Variants in WDR59 observed in about 807,000 individuals in gnomAD.
WDR59 encodes the protein GATOR2 complex protein WDR59.
In WDR59, 100 loss-of-function variants were observed where a neutral mutation model predicts 131.2. That is an observed-to-expected ratio of 0.76 (90% confidence interval 0.65 to 0.90). The LOEUF (loss-of-function observed/expected upper bound fraction) is 0.90, where lower values mean the gene tolerates loss of function less well. WDR59 is among the 40% of genes least tolerant of loss of function. The pLI is 0.00. For synonymous variants in WDR59, 601 were observed against 466.2 expected (o/e 1.29, Z -3.72); for missense variants, 1,203 against 1,262.2 (o/e 0.95, Z 0.71).
rs369840173 is a variant in WDR59, at chr16:74,910,113, G to A, written c.1390-196C>T. On this transcript the variant is annotated intron_variant, in intron 14 of 25. Transcript: ENST00000262144. Reference sequence around the variant, plus strand: ...CTCCCGAGTAGCTGGGACTACAGGCGCCCACCCCCATGCCTGGCTAATTTT... The same window carrying A: ...CTCCCGAGTAGCTGGGACTACAGGCACCCACCCCCATGCCTGGCTAATTTT... Among the ~76,000 whole-genome samples the A allele has an allele frequency of 1.7e-4, 26 of 151,892 alleles. 2 individuals carry two copies. Among genetic ancestry groups the A allele is most frequent in the South Asian group, 1.0e-3 (5 of 4,774 alleles).
chr16:74,919,114 C>G (rs1362577070), intron 10 of WDR59, among the ~76,000 whole-genome samples: 1 of 152,110 alleles, frequency 6.6e-6, no homozygotes, highest in Non-Finnish European at 1.5e-5. Context: ...ACCTGTGCCT[C>G]CCCCGCTGGT....
intron 8 of WDR59, among the ~76,000 whole-genome samples, chr16:74,937,795 C>G (rs933355761): frequency 6.6e-6 from 1 of 152,298 alleles, no homozygotes; most frequent in East Asian, 1.9e-4. Flanking sequence ...AGCCACCATG[C>G]CCGGCCAACT....
At chr16:74,928,099 G>T (rs2031027312) in intron 8 of WDR59, among the ~76,000 whole-genome samples, 1 of 151,206 alleles carries the variant, frequency 6.6e-6, no homozygotes, top group Non-Finnish European at 1.5e-5. Context: ...GTAGAGACAG[G>T]GTTTCACCAT....
chr16:74,951,034 C>T (rs1308657723), intron 4 of WDR59, among the ~76,000 whole-genome samples: 1 of 151,536 alleles, frequency 6.6e-6, no homozygotes, highest in African/African-American at 2.4e-5. Context: ...GTGGTGCACA[C>T]CTATAATCCC....
At chr16:74,980,529 T>C (rs1168021495) in intron 1 of WDR59, among the ~76,000 whole-genome samples, 1 of 151,804 alleles carries the variant, frequency 6.6e-6, no homozygotes, top group Non-Finnish European at 1.5e-5. Context: ...AATTTTTGTA[T>C]TTTTAGTAGA....
intron 25 of WDR59, among the ~76,000 whole-genome samples, chr16:74,878,897 C>T (rs992947496): frequency 1.3e-5 from 2 of 152,212 alleles, no homozygotes; most frequent in African/African-American, 2.4e-5. Flanking sequence ...TTGCCGGTTT[C>T]GGCTTTTGCC....
chr16:74,889,156 A>G (rs1034497718), intron 21 of WDR59, among the ~76,000 whole-genome samples: 4 of 152,354 alleles, frequency 2.6e-5, no homozygotes, highest in African/African-American at 9.6e-5. Context: ...TTCTCTCCCC[A>G]GGCCCTGGGC....
intron 6 of WDR59, among the ~76,000 whole-genome samples, chr16:74,943,831 A>C (rs2032410213): frequency 6.6e-6 from 1 of 152,190 alleles, no homozygotes; most frequent in African/African-American, 2.4e-5. Context: ...ATACAGCATT[A>C]AGCCCAGAAC....
Position 74,874,051 on chromosome 16 carries a change from A to G in WDR59, c.*158T>C. 1.6e-6 allele frequency: 1 copy of G among 630,186 alleles called. No individual in the cohort carries two copies. The highest frequency in any genetic ancestry group is 2.9e-5 in the Admixed American group (1 of 33,974). 39.0% of individuals were successfully genotyped at this position (630,186 alleles called of 1,614,324 possible). On this transcript the variant is annotated 3_prime_UTR_variant, in exon 26 of 26. Transcript: ENST00000262144. Reference sequence around the variant, plus strand: ...GGTGGCCAAACAGAAGAGAAGGCAGAGGCCCACCAAGAGCTGATGCTGCGC... The same window carrying G: ...GGTGGCCAAACAGAAGAGAAGGCAGGGGCCCACCAAGAGCTGATGCTGCGC...
intron 15 of WDR59, 57 bp from the exon 16 acceptor site, chr16:74,909,714 A>G: frequency 1.3e-6 from 2 of 1,553,026 alleles, no homozygotes; most frequent in Non-Finnish European, 1.7e-6. Context: ...GCTGAACTAC[A>G]AAATAAAGAC....
rs1964033383 is a variant in WDR59, at chr16:74,872,732, G to A, written c.*1477C>T. On this transcript the variant is annotated 3_prime_UTR_variant, in exon 26 of 26. Coordinates refer to ENST00000262144, the MANE Select transcript of WDR59 (RefSeq NM_030581.4). Reference sequence around the variant, plus strand: ...TGGAACCCAGCCCATCTGAACAGAGGCAAGGAAGACTTTGGTTTATTGACA... The same window carrying A: ...TGGAACCCAGCCCATCTGAACAGAGACAAGGAAGACTTTGGTTTATTGACA... The A allele has an allele frequency of 2.6e-5, 4 of 152,162 alleles. No individual in the cohort carries two copies. The highest frequency in any genetic ancestry group is 6.6e-5 in the Admixed American group (1 of 15,250). The allele number at this position is 152,162 out of a possible 1,614,324, so 9.4% of individuals were successfully genotyped here.
chr16:74,935,710 T>C (rs948902011), intron 8 of WDR59, among the ~76,000 whole-genome samples: 2 of 152,188 alleles, frequency 1.3e-5, no homozygotes, highest in Non-Finnish European at 2.9e-5. Flanking sequence ...CTTTTTATGA[T>C]CATGCTATTT....
chr16:74,884,171 C>G (rs1014603347), intron 25 of WDR59, among the ~76,000 whole-genome samples: 5 of 152,206 alleles, frequency 3.3e-5, no homozygotes, highest in Non-Finnish European at 7.3e-5. Context: ...CACCCTCAGA[C>G]CGGGCTGTCT....
intron 3 of WDR59, among the ~76,000 whole-genome samples, chr16:74,954,928 A>G (rs1393537455): frequency 6.6e-6 from 1 of 152,210 alleles, no homozygotes; most frequent in Non-Finnish European, 1.5e-5. Flanking sequence ...ATTGAGACAG[A>G]GCGCAGACTG....
At chr16:74,958,778 G>C (rs529814739) in intron 2 of WDR59, among the ~76,000 whole-genome samples, 1 of 151,830 alleles carries the variant, frequency 6.6e-6, no homozygotes, top group Non-Finnish European at 1.5e-5. Context: ...AGACCACTAA[G>C]GAGGCCGGGC....
At position 74,948,500 on chromosome 16, in the gene WDR59, G is replaced by A; in HGVS notation, c.445+19C>T. Reference sequence around the variant, plus strand: ...ACAAACCAAGGCGCCAGGGTGAGGTGGGAGAAGCATACACTCACCAACAGC... The same window carrying A: ...ACAAACCAAGGCGCCAGGGTGAGGTAGGAGAAGCATACACTCACCAACAGC... On this transcript the variant is annotated intron_variant, in intron 6 of 25. Coordinates refer to ENST00000262144, the MANE Select transcript of WDR59 (RefSeq NM_030581.4). 1 of 1,609,966 alleles carries A rather than the reference G, an allele frequency of 6.2e-7. No homozygotes were observed. Among genetic ancestry groups the A allele is most frequent in the Non-Finnish European group, 8.5e-7 (1 of 1,176,308 alleles).
In WDR59 at chr16:74,949,725, C is replaced by T. The variant is rs909998231; in HGVS notation, c.400G>A (p.Asp134Asn). 1 of 1,613,728 alleles carries T rather than the reference C, an allele frequency of 6.2e-7. No individual in the cohort carries two copies. The highest frequency in any genetic ancestry group is 2.2e-5 in the East Asian group (1 of 44,854). ...CCTCCTAATTGTTCTTACTTGATAT[C>T]CCAAATGTAGATGTAGGTGTCCACA... ...SSVDTYIYIW[D>N]IKDTRKPTVA... The change falls in exon 5 of 26, where the codon GAT (aspartate) becomes AAT (asparagine). Residue 134 changes from aspartate (D) to asparagine (N), a missense_variant. By Grantham distance (23) the Asp-to-Asn change is conservative. Coordinates refer to ENST00000262144, the MANE Select transcript of WDR59 (RefSeq NM_030581.4).
chr16:74,954,761 A>G (rs2033198499), intron 3 of WDR59, among the ~76,000 whole-genome samples: 1 of 152,212 alleles, frequency 6.6e-6, no homozygotes, highest in South Asian at 2.1e-4. Context: ...ACAATTACAC[A>G]ATGGAATATT....
intron 1 of WDR59, among the ~76,000 whole-genome samples, chr16:74,966,205 CG>C (rs991434309): frequency 6.6e-6 from 1 of 152,050 alleles, no homozygotes; most frequent in Non-Finnish European, 1.5e-5. Context: ...ACAGGCTGGG[CG>C]GGGTGGCTCA....
Sources: gnomAD v4.1 joint callset for allele counts (sites outside exome capture counted in the v4.1 genomes callset) on GRCh38, gnomAD v4.1.1 for gene constraint, MANE v1.5 for transcripts, NCBI Gene and HGNC (gene_info 2026-07-23, HGNC 2026-07-21) for gene names.